WDFY4: variants seen among roughly 807,000 people sequenced by gnomAD.
WDFY4 encodes the protein WDFY family member 4, also known as WD repeat- and FYVE domain-containing protein 4.
A neutral mutation model predicts 351.9 loss-of-function variants in WDFY4; 169 were observed. The ratio of observed to expected loss-of-function variants is 0.48; its 90% CI spans 0.42 to 0.55. The LOEUF is 0.55. Among genes scored for constraint, WDFY4 ranks in the 20% least tolerant of loss-of-function variants. WDFY4 has a pLI of 0.00. For missense variants in WDFY4, 3,803 were observed against 3,935.6 expected (o/e 0.97, Z 0.90); for synonymous variants, 1,622 against 1,574.6 (o/e 1.03, Z -0.71).
At chr10:48,981,195 C>T (rs1842790755) in intron 60 of WDFY4, among the ~76,000 whole-genome samples, 172 bp from the exon 61 acceptor site, 2 of 152,224 alleles carry the variant, frequency 1.3e-5, no homozygotes, top group South Asian at 2.1e-4. Context: ...TTGGGACGGC[C>T]CTTTTTGCAA....
chr10:48,751,446 C>T (rs2065178856), intron 12 of WDFY4, among the ~76,000 whole-genome samples: 1 of 152,138 alleles, frequency 6.6e-6, no homozygotes, highest in South Asian at 2.1e-4. Context: ...AGCAAAGGAG[C>T]TGTCAGTTGC....
At chr10:48,704,703 AGCCTGGGCTGTCCACAG>A (rs2063575842) in intron 1 of WDFY4, among the ~76,000 whole-genome samples, 2 of 152,118 alleles carry the variant, frequency 1.3e-5, no homozygotes, top group Admixed American at 6.5e-5. Flanking sequence ...TGGGCAGCAA[AGCCTGGGCTGTCCACAG>A]ACCTGGGGGC....
intron 37 of WDFY4, 27 bp downstream of exon 37, chr10:48,828,923 T>TGTGGGG (rs763409844): frequency 6.0e-4 from 3 of 5,018 alleles, no homozygotes; most frequent in Non-Finnish European, 9.3e-4. Flanking sequence ...ATTGTGTGTG[T>TGTGGGG]GGGCGGGGGG....
intron 47 of WDFY4, 110 bp from the exon 48 acceptor site, chr10:48,941,696 A>C: frequency 1.8e-6 from 2 of 1,122,500 alleles, no homozygotes; most frequent in Non-Finnish European, 2.6e-6. Flanking sequence ...GGAAGTCTGC[A>C]GCTTTCCTGA....
At chr10:48,972,002 A>G (rs1842359080) in intron 57 of WDFY4, among the ~76,000 whole-genome samples, 1 of 152,188 alleles carries the variant, frequency 6.6e-6, no homozygotes, top group Non-Finnish European at 1.5e-5. Flanking sequence ...TGATTTTTCT[A>G]TCATCCTCTG....
At chr10:48,760,274 C>T in intron 12 of WDFY4, 73 bp from the exon 13 acceptor site, 1 of 1,340,238 alleles carries the variant, frequency 7.5e-7, no homozygotes, top group Non-Finnish European at 1.0e-6. Flanking sequence ...AAAGAAAGAT[C>T]CAGGAAGCTC....
chr10:48,832,741 A>G (rs1035284685), intron 39 of WDFY4, 32 bp downstream of exon 39: 2 of 1,496,364 alleles, frequency 1.3e-6, no homozygotes, highest in Non-Finnish European at 1.8e-6. Flanking sequence ...TCAGAAAAGT[A>G]TCAGGCATTT....
chr10:48,915,878 A>G (rs1418990772), intron 47 of WDFY4, among the ~76,000 whole-genome samples: 1 of 152,068 alleles, frequency 6.6e-6, no homozygotes, highest in Non-Finnish European at 1.5e-5. Flanking sequence ...TGGACTCCCC[A>G]TTTTCGGGCA....
Position 48,969,022 on chromosome 10 carries a change from T to C in WDFY4, c.8585-42T>C, listed in dbSNP as rs1226819717. The stretch of plus-strand genomic sequence containing the variant: ...CTGGGGGCCCAGCTGTAGTGGGTGC[T>C]GTTCTTCCATGCATAAGTTCGCCAT... On this transcript the variant is annotated intron_variant, in intron 55 of 61. Coordinates refer to ENST00000325239, the MANE Select transcript of WDFY4 (RefSeq NM_001394531.1). 7 of 1,540,332 alleles carry C rather than the reference T, an allele frequency of 4.5e-6. No homozygotes were observed. In the South Asian group the frequency reaches 7.2e-5, roughly 16 times the overall value.
rs1370303777 is a variant in WDFY4 at position 48,720,099 on chromosome 10, A to G, written c.323A>G (p.Gln108Arg). ...DVSDQLAQQL[Q>R]KALVGKPAEQ... ...TCTGACCAGCTTGCCCAGCAACTCC[A>G]GAAGGCCCTTGTGGGGAAGCCTGCG... Residue 108 changes from glutamine (Q) to arginine (R), a missense_variant, in exon 3 of 62, where the codon CAG (glutamine) becomes CGG (arginine). Coordinates refer to ENST00000325239, the MANE Select transcript of WDFY4 (RefSeq NM_001394531.1). 1.9e-6 allele frequency: 3 copies of G among 1,551,770 alleles called. No homozygotes were observed. The Admixed American group carries it at 5.9e-5, about 30-fold the overall frequency.
intron 19 of WDFY4, among the ~76,000 whole-genome samples, chr10:48,784,760 T>C (rs144901079): frequency 0.043 from 6,537 of 150,938 alleles, 502 homozygotes; most frequent in African/African-American, 0.15. Flanking sequence ...CAGGATGGTC[T>C]CAATCTCCTG....
chr10:48,809,186 A>G (rs1010062096), intron 28 of WDFY4, among the ~76,000 whole-genome samples: 4 of 149,682 alleles, frequency 2.7e-5, no homozygotes, highest in African/African-American at 1.0e-4. Context: ...CACCATCACC[A>G]TCATCACCAT....
intron 20 of WDFY4, among the ~76,000 whole-genome samples, chr10:48,787,886 TTCTTCTCCTTC>T (rs2066489646): frequency 2.4e-5 from 2 of 82,156 alleles, no homozygotes; most frequent in South Asian, 8.2e-4. Context: ...TTCTTTCTTC[TTCTTCTCCTTC>T]TTCTTCTTCT....
intron 51 of WDFY4, among the ~76,000 whole-genome samples, chr10:48,954,674 A>G (rs1841500922): frequency 1.3e-5 from 2 of 152,234 alleles, no homozygotes; most frequent in Admixed American, 1.3e-4. Context: ...ATCAACCCAC[A>G]GACTTACAAT....
At chr10:48,832,282 A>G (rs1307283556) in intron 38 of WDFY4, among the ~76,000 whole-genome samples, 5 of 152,256 alleles carry the variant, frequency 3.3e-5, no homozygotes, top group African/African-American at 4.8e-5. Flanking sequence ...ACAGGATGAG[A>G]AAACTGAGGC....
intron 13 of WDFY4, among the ~76,000 whole-genome samples, chr10:48,766,328 T>A (rs1186483546): frequency 3.3e-5 from 5 of 152,192 alleles, no homozygotes; most frequent in Non-Finnish European, 1.5e-5. Context: ...TGGTGACTCA[T>A]GCCTGTAATT....
At chr10:48,897,081 C>T (rs1486952208) in intron 44 of WDFY4, among the ~76,000 whole-genome samples, 2 of 152,140 alleles carry the variant, frequency 1.3e-5, no homozygotes, top group African/African-American at 4.8e-5. Context: ...TGAAGCCCTC[C>T]CTGCTGGCCC....
At chr10:48,937,009 T>C (rs76234754) in intron 47 of WDFY4, among the ~76,000 whole-genome samples, 5,531 of 151,620 alleles carry the variant, frequency 0.036, 357 homozygotes, top group African/African-American at 0.13. Context: ...AAACTTCACC[T>C]CCCGGGTTCG....
At chr10:48,908,422 C>T (rs1214723880) in intron 47 of WDFY4, among the ~76,000 whole-genome samples, 2 of 152,276 alleles carry the variant, frequency 1.3e-5, no homozygotes, top group Non-Finnish European at 2.9e-5. Flanking sequence ...CAGGAATCTG[C>T]AAGAATAAGA....
Sources: allele counts gnomAD v4.1 joint callset (sites outside exome capture counted in the v4.1 genomes callset), GRCh38; gene constraint gnomAD v4.1.1; transcripts MANE v1.5; gene names NCBI Gene and HGNC (gene_info 2026-07-23, HGNC 2026-07-21).